CSNK1G2: variants seen among roughly 807,000 people sequenced by gnomAD.
CSNK1G2 encodes the protein casein kinase 1 gamma 2.
In CSNK1G2, 11 loss-of-function variants were observed where a neutral mutation model predicts 48.0. That is an observed-to-expected ratio of 0.23 (90% confidence interval 0.14 to 0.38). The LOEUF (loss-of-function observed/expected upper bound fraction) is 0.38. Among genes scored for constraint, CSNK1G2 ranks in the 10% least tolerant of loss-of-function variants. The probability of loss-of-function intolerance (pLI) is 1.00; values close to 1 mark genes in which losing one functional copy is unlikely to be tolerated. For synonymous variants in CSNK1G2, 337 were observed against 254.1 expected (o/e 1.33, Z -3.10); for missense variants, 446 against 595.5 (o/e 0.75, Z 2.61).
intron 1 of CSNK1G2, chr19:1,953,850 C>G (rs1200533062): frequency 3.8e-6 from 2 of 532,916 alleles, no homozygotes; most frequent in Non-Finnish European, 7.7e-6. Flanking sequence ...TACCTGGACT[C>G]TTGCCTTTGC....
intron 1 of CSNK1G2, among the ~76,000 whole-genome samples, chr19:1,965,742 G>C (rs2015345930): frequency 6.6e-6 from 1 of 151,984 alleles, no homozygotes; most frequent in African/African-American, 2.4e-5. Context: ...AAAGCAGTCT[G>C]CCCGCCTCAG....
At chr19:1,966,858 T>C (rs2015380556) in intron 1 of CSNK1G2, among the ~76,000 whole-genome samples, 1 of 152,162 alleles carries the variant, frequency 6.6e-6, no homozygotes, top group Non-Finnish European at 1.5e-5. Flanking sequence ...TGCTTAGCAG[T>C]AAAGTATTTT....
rs537810402 is a variant in CSNK1G2, at chr19:1,960,205, C to T, written c.-265-9303C>T. Among the ~76,000 whole-genome samples the T allele has an allele frequency of 4.6e-5, 7 of 152,334 alleles. No individual in the cohort carries two copies. The East Asian group carries it at 7.7e-4, about 17-fold the overall frequency. ...GTCCTGCTTAGGAGATAGGTACATC[C>T]GGGACCTGGGGCCTTCTCGCCCTCA... is the stretch of plus-strand genomic sequence containing the variant. On this transcript the variant is annotated intron_variant, in intron 1 of 11. Transcript: ENST00000255641.
intron 1 of CSNK1G2, among the ~76,000 whole-genome samples, chr19:1,964,583 G>A (rs2076609369): frequency 6.6e-6 from 1 of 151,970 alleles, no homozygotes; most frequent in South Asian, 2.1e-4. Context: ...CAAATCCTAG[G>A]GCCCACGAGA....
At chr19:1,945,381 C>T (rs567510807) in intron 1 of CSNK1G2, among the ~76,000 whole-genome samples, 1 of 152,334 alleles carries the variant, frequency 6.6e-6, no homozygotes, top group African/African-American at 2.4e-5. Context: ...GAGCCCCCAA[C>T]GTGTCCCCTG....
chr19:1,975,863 C>A, intron 2 of CSNK1G2: 1 of 792,226 alleles, frequency 1.3e-6, no homozygotes, highest in Non-Finnish European at 1.5e-6. Flanking sequence ...TGGAGAAAGC[C>A]CATCTCTAGT....
chr19:1,948,564 A>C (rs1322314459), intron 1 of CSNK1G2, among the ~76,000 whole-genome samples: 1 of 143,152 alleles, frequency 7.0e-6, no homozygotes, highest in Non-Finnish European at 1.5e-5. Context: ...AGATCCCGTC[A>C]CACTGACCCA....
Position 1,978,264 on chromosome 19 carries a change from G to A in CSNK1G2, c.188-41G>A, listed in dbSNP as rs1341870878. 8 of 1,610,794 alleles carry A rather than the reference G, an allele frequency of 5.0e-6. No homozygotes were observed. In the South Asian group the frequency reaches 7.7e-5, roughly 15 times the overall value. On this transcript the variant is annotated intron_variant, in intron 2 of 11. Coordinates refer to ENST00000255641, the MANE Select transcript of CSNK1G2 (RefSeq NM_001319.7). The surrounding 1 kb of genome is among the most constrained non-coding windows in gnomAD (Gnocchi z 7.3). ...TGGGCTGGGGAGGTCGGGGCTAGGT[G>A]GGCCCTGCGCTGGCGGTGCTGATGG...
chr19:1,947,813 GA>G (rs1390034676), intron 1 of CSNK1G2, among the ~76,000 whole-genome samples: 16 of 152,216 alleles, frequency 1.1e-4, no homozygotes, highest in Admixed American at 8.5e-4. Flanking sequence ...ACGCCGTGGA[GA>G]GGGGCGCTGT....
In CSNK1G2 at chr19:1,978,867, C is replaced by G. The variant is rs1382419029; in HGVS notation, c.456C>G (p.Arg152=). The change falls in exon 6 of 12, where the codon CGC becomes CGG. Residue 152 remains arginine (R), a synonymous_variant. Coordinates refer to ENST00000255641, the MANE Select transcript of CSNK1G2 (RefSeq NM_001319.7). This position sits in a 1 kb window ranked among gnomAD's most constrained non-coding sequence, Gnocchi z 7.3. ...GCCGTGCCCCCCTGCAGATCACGCG[C>G]ATGGAGTATGTGCACACCAAGAGCC... ...VLMIAIQLIT[R]MEYVHTKSLI... 4 of 1,602,374 alleles carry G rather than the reference C, an allele frequency of 2.5e-6. No homozygotes were observed. Among genetic ancestry groups the G allele is most frequent in the Non-Finnish European group, 3.4e-6 (4 of 1,178,808 alleles).
At chr19:1,963,714 G>A (rs1014304605) in intron 1 of CSNK1G2, among the ~76,000 whole-genome samples, 2 of 151,662 alleles carry the variant, frequency 1.3e-5, no homozygotes, top group Admixed American at 6.6e-5. Context: ...CACCATGTTG[G>A]CCGTGCTGGT....
intron 1 of CSNK1G2, among the ~76,000 whole-genome samples, chr19:1,945,561 C>T (rs2014525229): frequency 6.6e-6 from 1 of 152,216 alleles, no homozygotes. Context: ...GGGGCTCCCA[C>T]CTGTCATCCC....
At chr19:1,965,833 G>C (rs2015348809) in intron 1 of CSNK1G2, among the ~76,000 whole-genome samples, 1 of 151,998 alleles carries the variant, frequency 6.6e-6, no homozygotes, top group African/African-American at 2.4e-5. Context: ...GTCTCACTGT[G>C]TCTCCCAGGC....
intron 1 of CSNK1G2, among the ~76,000 whole-genome samples, chr19:1,942,970 C>T (rs985510412): frequency 1.3e-5 from 2 of 152,128 alleles, no homozygotes; most frequent in African/African-American, 4.8e-5. Flanking sequence ...TCTCTAGGGC[C>T]GAGAGTGTTT....
Position 1,978,167 on chromosome 19 carries a change from C to T in CSNK1G2, c.188-138C>T, listed in dbSNP as rs554139565. On this transcript the variant is annotated intron_variant, in intron 2 of 11. Transcript: ENST00000255641. The surrounding 1 kb of genome is among the most constrained non-coding windows in gnomAD (Gnocchi z 7.3). ...GTGCTCTGGCAGGCTGGGCCCAGGCCCTGCTGCTGGGCAGTGGTGTCATTT... is the reference window on the plus strand; with the variant it reads ...GTGCTCTGGCAGGCTGGGCCCAGGCTCTGCTGCTGGGCAGTGGTGTCATTT... 4 of 867,350 alleles carry T rather than the reference C, an allele frequency of 4.6e-6. No individual in the cohort carries two copies. The African/African-American group carries it at 5.0e-5, about 11-fold the overall frequency. The allele number at this position is 867,350 out of a possible 1,614,324, so 53.7% of individuals were successfully genotyped here.
rs777165253 is a variant in CSNK1G2 at position 1,978,894 on chromosome 19, A to G, written c.483A>G (p.Leu161=). The G allele has an allele frequency of 1.2e-6, 2 of 1,603,010 alleles. No individual in the cohort carries two copies. The highest frequency in any genetic ancestry group is 2.7e-5 in the African/African-American group (2 of 74,814). ...TGGAGTATGTGCACACCAAGAGCCTAATCTACCGGGACGTGAAGCCCGAGA... is the reference window on the plus strand; with the variant it reads ...TGGAGTATGTGCACACCAAGAGCCTGATCTACCGGGACGTGAAGCCCGAGA... ...TRMEYVHTKS[L]IYRDVKPENF... Residue 161 remains leucine, a synonymous_variant, in exon 6 of 12, where the codon CTA becomes CTG. Transcript: ENST00000255641. The surrounding 1 kb of genome is among the most constrained non-coding windows in gnomAD (Gnocchi z 7.3).
rs1291521748 is a variant in CSNK1G2, at chr19:1,957,033, C to T, written c.-265-12475C>T. 2.0e-5 allele frequency among the ~76,000 whole-genome samples: 3 copies of T among 152,066 alleles called. No individual in the cohort carries two copies. Among genetic ancestry groups the T allele is most frequent in the Admixed American group, 6.6e-5 (1 of 15,248 alleles). Reference sequence around the variant, plus strand: ...TGCAGAGGGAAGGCTGGTGGTGGCGCCCCCCTTCGACGGTCGTGCCCTGAT... The same window carrying T: ...TGCAGAGGGAAGGCTGGTGGTGGCGTCCCCCTTCGACGGTCGTGCCCTGAT... On this transcript the variant is annotated intron_variant, in intron 1 of 11. Coordinates refer to ENST00000255641, the MANE Select transcript of CSNK1G2 (RefSeq NM_001319.7). The surrounding 1 kb of genome is among the most constrained non-coding windows in gnomAD (Gnocchi z 5.4).
At chr19:1,979,429 T>TGTGCCCC in intron 8 of CSNK1G2, 26 bp downstream of exon 8, 1 of 984,750 alleles carries the variant, frequency 1.0e-6, no homozygotes, top group African/African-American at 2.1e-5. Flanking sequence ...GCCCCCGCCC[T>TGTGCCCC]GTGCCCCCCA....
Position 1,980,364 on chromosome 19 carries a change from C to A in CSNK1G2, c.*161C>A. The A allele has an allele frequency of 1.2e-6, 1 of 831,136 alleles. No individual in the cohort carries two copies. The highest frequency in any genetic ancestry group is 2.0e-6 in the Non-Finnish European group (1 of 509,802). 51.5% of individuals were successfully genotyped at this position (831,136 alleles called of 1,614,324 possible). A position where few individuals can be genotyped will look rare whatever the true frequency, so the allele number is the denominator to read the frequency against. On this transcript the variant is annotated 3_prime_UTR_variant, in exon 12 of 12. Coordinates refer to ENST00000255641, the MANE Select transcript of CSNK1G2 (RefSeq NM_001319.7). ...CCGCGCCTGGCTCAGGCGGCCCCAC[C>A]CCCGGGACGTGGGGTCACTTCCTTC... is the stretch of plus-strand genomic sequence containing the variant.
Sources: gnomAD v4.1 joint callset for allele counts (sites outside exome capture counted in the v4.1 genomes callset) on GRCh38, gnomAD v4.1.1 for gene constraint, Gnocchi (gnomAD v3.1) non-coding constraint, MANE v1.5 for transcripts, NCBI Gene and HGNC (gene_info 2026-07-23, HGNC 2026-07-21) for gene names.